Variants in NAV1 observed in about 807,000 individuals in gnomAD.
The protein encoded by NAV1 is pore membrane and/or filament interacting like protein 3.
A neutral mutation model predicts 175.2 loss-of-function variants in NAV1; 18 were observed. The observed-to-expected ratio is 0.10, with a 90% confidence interval of 0.07 to 0.15. NAV1 has a LOEUF of 0.15. Among genes scored for constraint, NAV1 ranks in the 10% least tolerant of loss-of-function variants. The probability of loss-of-function intolerance (pLI) is 1.00; values close to 1 mark genes in which losing one functional copy is unlikely to be tolerated. For synonymous variants in NAV1, 897 were observed against 978.7 expected, an observed-to-expected ratio of 0.92 and a Z score of 1.56; for missense variants, 1,731 against 2,436.6, an observed-to-expected ratio of 0.71 and a Z score of 6.10.
In NAV1 at chr1:201,548,831, G is replaced by A. The variant is rs59612694; in HGVS notation, c.-144+9489G>A. ...TGCTCTAAACTTGTCTAACTCCTTT[G>A]GTAATGATAGATATTGTCTACAGGT... On this transcript the variant is annotated intron_variant, in intron 1 of 33. Transcript: ENST00000685211. Among the ~76,000 whole-genome samples the A allele has an allele frequency of 4.3e-3, 662 of 152,310 alleles. 7 individuals carry two copies. The highest frequency in any genetic ancestry group is 0.015 in the African/African-American group (635 of 41,570).
At position 201,776,544 on chromosome 1, in the gene NAV1, G is replaced by C. The variant is rs900340729; in HGVS notation, c.1227-3877G>C. On this transcript the variant is annotated intron_variant, in intron 3 of 29. Transcript: ENST00000367296. ...TAGTCTCAGCTACTCAGGAGGTTGA[G>C]GCAGGAGAATCGCTTGAACCCAGGG... Among the ~76,000 whole-genome samples the C allele has an allele frequency of 4.6e-5, 7 of 151,460 alleles. No homozygotes were observed. In the East Asian group the frequency reaches 1.4e-3, roughly 29 times the overall value.
Position 201,596,507 on chromosome 1 carries a change from C to T in NAV1, c.-33+7858C>T, listed in dbSNP as rs571639834. 1.9e-3 allele frequency among the ~76,000 whole-genome samples: 296 copies of T among 152,330 alleles called. 2 individuals are homozygous for T. Among genetic ancestry groups the T allele is most frequent in the African/African-American group, 6.0e-3 (250 of 41,576 alleles). On this transcript the variant is annotated intron_variant, in intron 2 of 33. Transcript: ENST00000685211. ...TCATGGGCTGGACTTTCAAAGAACTCCTCAGGACTTTTTGTTTGTTTGTTT... is the reference window on the plus strand; with the variant it reads ...TCATGGGCTGGACTTTCAAAGAACTTCTCAGGACTTTTTGTTTGTTTGTTT...
chr1:201,789,148 A>T (rs1676950671), intron 10 of NAV1, among the ~76,000 whole-genome samples: 1 of 152,164 alleles, frequency 6.6e-6, no homozygotes, highest in Non-Finnish European at 1.5e-5. Context: ...GAGCTAGAAG[A>T]CCAGGCTTAT....
intron 15 of NAV1, among the ~76,000 whole-genome samples, 163 bp from the exon 20 acceptor site, chr1:201,803,430 G>A (rs555419135): frequency 5.9e-5 from 9 of 152,232 alleles, no homozygotes; most frequent in African/African-American, 1.9e-4. Flanking sequence ...ACATGATTGG[G>A]ACTCAATAAA....
chr1:201,581,402 G>A (rs1363079778), intron 1 of NAV1, among the ~76,000 whole-genome samples: 1 of 152,024 alleles, frequency 6.6e-6, no homozygotes, highest in East Asian at 1.9e-4. Context: ...GAAAGAAACG[G>A]AGTTTAGCTG....
chr1:201,654,338 C>A (rs1669317406), intron 1 of NAV1, among the ~76,000 whole-genome samples: 1 of 152,060 alleles, frequency 6.6e-6, no homozygotes, highest in Non-Finnish European at 1.5e-5. Context: ...TCTTGTTTCA[C>A]CCCTTCCCAC....
chr1:201,715,093 A>G (rs10920236), intron 2 of NAV1, among the ~76,000 whole-genome samples: 69,948 of 151,464 alleles, frequency 0.46, 16,308 homozygotes, highest in African/African-American at 0.52. Flanking sequence ...ACTTCCTCTC[A>G]TAGGCTTTGG....
intron 2 of NAV1, among the ~76,000 whole-genome samples, chr1:201,599,780 G>T (rs184263956): frequency 1.3e-5 from 2 of 152,176 alleles, no homozygotes; most frequent in East Asian, 3.9e-4. Context: ...GAGGGATGGC[G>T]TCTGTGTCAT....
At chr1:201,666,456 G>A (rs1023347558) in intron 1 of NAV1, among the ~76,000 whole-genome samples, 53 of 152,332 alleles carry the variant, frequency 3.5e-4, no homozygotes, top group African/African-American at 1.1e-3. Flanking sequence ...TATGAGGGCG[G>A]TCGAGCAACT....
chr1:201,583,127 T>TCC (rs1666917333), intron 1 of NAV1, among the ~76,000 whole-genome samples: 1 of 152,266 alleles, frequency 6.6e-6, no homozygotes, highest in Non-Finnish European at 1.5e-5. Flanking sequence ...CCATGGCGGC[T>TCC]CTACACCCTC....
At chr1:201,560,009 A>T (rs1356887797) in intron 1 of NAV1, among the ~76,000 whole-genome samples, 2 of 152,162 alleles carry the variant, frequency 1.3e-5, no homozygotes, top group Admixed American at 1.3e-4. Flanking sequence ...GCAGTCCTGC[A>T]CTGTGCGGGA....
intron 3 of NAV1, among the ~76,000 whole-genome samples, chr1:201,736,043 C>T (rs542551640): frequency 1.7e-4 from 26 of 152,332 alleles, no homozygotes; most frequent in African/African-American, 6.3e-4. Flanking sequence ...TGCCACTATG[C>T]TATCAACTAG....
At chr1:201,761,499 T>C (rs1249735352) in intron 3 of NAV1, among the ~76,000 whole-genome samples, 1 of 152,248 alleles carries the variant, frequency 6.6e-6, no homozygotes, top group Non-Finnish European at 1.5e-5. Flanking sequence ...GCCTGATTCC[T>C]ATCCCTTTTT....
At chr1:201,624,148 G>A (rs1028464532) in intron 1 of NAV1, among the ~76,000 whole-genome samples, 1 of 152,142 alleles carries the variant, frequency 6.6e-6, no homozygotes, top group Non-Finnish European at 1.5e-5. Flanking sequence ...AGTGCCTTGT[G>A]CATATCTGCT....
intron 29 of NAV1, among the ~76,000 whole-genome samples, chr1:201,818,463 G>C (rs901736148): frequency 6.6e-6 from 1 of 151,546 alleles, no homozygotes; most frequent in African/African-American, 2.4e-5. Flanking sequence ...GGGAGGTGGA[G>C]CTTGCAGTGA....
chr1:201,790,140 G>T (rs1453203070), intron 11 of NAV1, among the ~76,000 whole-genome samples: 1 of 152,142 alleles, frequency 6.6e-6, no homozygotes, highest in Non-Finnish European at 1.5e-5. Flanking sequence ...TCTAGGACCC[G>T]GACTCCAGAA....
At chr1:201,700,630 G>C (rs1671375515) in intron 1 of NAV1, among the ~76,000 whole-genome samples, 2 of 152,192 alleles carry the variant, frequency 1.3e-5, no homozygotes, top group Admixed American at 6.5e-5. Context: ...AAAGACACAT[G>C]CACACATATG....
chr1:201,704,065 A>G (rs1671558826), intron 1 of NAV1, among the ~76,000 whole-genome samples: 1 of 151,924 alleles, frequency 6.6e-6, no homozygotes, highest in Non-Finnish European at 1.5e-5. Flanking sequence ...GGTCCCCAGA[A>G]CCTCCCTGGT....
Position 201,663,061 on chromosome 1 carries a change from C to T in NAV1, c.757+13636C>T, listed in dbSNP as rs572362300. ...TTGTACCACAGACTGGCTGCTTCTG[C>T]CCCCGGTCCATGTGGCGGAATAGGG... On this transcript the variant is annotated intron_variant, in intron 1 of 29. Transcript: ENST00000367296. Among the ~76,000 whole-genome samples the T allele has an allele frequency of 1.2e-4, 18 of 152,314 alleles. No homozygotes were observed. The South Asian group carries it at 3.7e-3, about 32-fold the overall frequency.
Sources: allele counts gnomAD v4.1 joint callset (sites outside exome capture counted in the v4.1 genomes callset), GRCh38; gene constraint gnomAD v4.1.1; transcripts MANE v1.5; gene names NCBI Gene and HGNC (gene_info 2026-07-23, HGNC 2026-07-21).